ARMH4: variants seen among roughly 807,000 people sequenced by gnomAD.
ARMH4 encodes armadillo-like helical domain-containing protein 4.
Under a neutral mutation model 61.9 loss-of-function variants are expected in ARMH4, and 49 were observed. The ratio of observed to expected loss-of-function variants is 0.79; its 90% CI spans 0.63 to 1.00. The LOEUF (loss-of-function observed/expected upper bound fraction) is 1.00. ARMH4 is among the 50% of genes least tolerant of loss of function. The pLI is 0.00. For synonymous variants in ARMH4, 368 were observed against 341.5 expected (o/e 1.08, Z -0.85); for missense variants, 934 against 930.0 (o/e 1.00, Z -0.06).
At chr14:58,051,583 A>C (rs913573609) in intron 5 of ARMH4, among the ~76,000 whole-genome samples, 4 of 152,248 alleles carry the variant, frequency 2.6e-5, no homozygotes, top group Non-Finnish European at 4.4e-5. Context: ...GAACCTTTAC[A>C]GGGTAGAGAC....
At chr14:58,119,332 C>T (rs1386966771) in intron 4 of ARMH4, among the ~76,000 whole-genome samples, 8 of 152,306 alleles carry the variant, frequency 5.3e-5, no homozygotes, top group African/African-American at 1.9e-4. Context: ...TTATTCTATA[C>T]ATATTTAAGG....
chr14:58,020,330 G>A (rs975235668), intron 5 of ARMH4, among the ~76,000 whole-genome samples: 3 of 152,302 alleles, frequency 2.0e-5, no homozygotes, highest in Non-Finnish European at 2.9e-5. Context: ...GGGAGGCAGC[G>A]TGTATTAGCT....
chr14:58,116,705 T>C (rs565214075), intron 4 of ARMH4, among the ~76,000 whole-genome samples: 107 of 152,322 alleles, frequency 7.0e-4, no homozygotes, highest in African/African-American at 2.4e-3. Flanking sequence ...AATAATTTTC[T>C]TATTTCATTT....
At chr14:58,054,743 C>T (rs1049828950) in intron 5 of ARMH4, among the ~76,000 whole-genome samples, 1 of 151,558 alleles carries the variant, frequency 6.6e-6, no homozygotes, top group African/African-American at 2.4e-5. Flanking sequence ...ACTAAACATA[C>T]AAAAAATAGC....
intron 5 of ARMH4, among the ~76,000 whole-genome samples, chr14:58,041,248 C>T (rs1158889873): frequency 6.6e-6 from 1 of 152,144 alleles, no homozygotes; most frequent in African/African-American, 2.4e-5. Flanking sequence ...CCTGGAAAAT[C>T]GAGTCACTCC....
intron 6 of ARMH4, among the ~76,000 whole-genome samples, chr14:58,011,298 T>G (rs1031247577): frequency 3.9e-5 from 6 of 152,136 alleles, no homozygotes; most frequent in African/African-American, 1.2e-4. Flanking sequence ...AGCAAAATAA[T>G]ATTAATAATT....
At chr14:58,119,777 C>T (rs1403131366) in intron 4 of ARMH4, among the ~76,000 whole-genome samples, 1 of 152,148 alleles carries the variant, frequency 6.6e-6, no homozygotes, top group Non-Finnish European at 1.5e-5. Flanking sequence ...AGCAGCCGCT[C>T]CAGTTGTTAA....
At position 58,004,671 on chromosome 14, in the gene ARMH4, T is replaced by C. The variant is rs1594681589; in HGVS notation, c.*65A>G. 3.0e-6 allele frequency: 4 copies of C among 1,340,472 alleles called. No homozygotes were observed. The highest frequency in any genetic ancestry group is 2.3e-5 in the East Asian group (1 of 43,168). The allele number at this position is 1,340,472 out of a possible 1,614,324, so 83.0% of individuals were successfully genotyped here. A position where few individuals can be genotyped will look rare whatever the true frequency, so the allele number is the denominator to read the frequency against. ...TGTGGCAGGTTGTTCTTTTTTTTTT[T>C]CTGCTCCAAAATAAAAATTAGAATA... On this transcript the variant is annotated 3_prime_UTR_variant, in exon 8 of 8. Transcript: ENST00000267485.
chr14:58,095,031 G>C (rs945838153), intron 5 of ARMH4, among the ~76,000 whole-genome samples: 31 of 152,144 alleles, frequency 2.0e-4, no homozygotes, highest in African/African-American at 7.0e-4. Context: ...CAGCCCAAAT[G>C]ATCATTTTAG....
chr14:58,119,846 G>A lies in ARMH4; in HGVS notation c.1831+11666C>T, dbSNP rs778808603. 5.9e-5 allele frequency among the ~76,000 whole-genome samples: 9 copies of A among 152,020 alleles called. No individual in the cohort carries two copies. The South Asian group carries it at 1.2e-3, about 21-fold the overall frequency. Reference sequence around the variant, plus strand: ...TGAGCTATGACTTGGTTGATTGCACGGCTATAAAACAATTTATTGCTAGTG... The same window carrying A: ...TGAGCTATGACTTGGTTGATTGCACAGCTATAAAACAATTTATTGCTAGTG... On this transcript the variant is annotated intron_variant, in intron 4 of 7. Coordinates refer to ENST00000267485, the MANE Select transcript of ARMH4 (RefSeq NM_001001872.4).
chr14:58,041,034 A>C (rs1214004298), intron 5 of ARMH4, among the ~76,000 whole-genome samples: 22 of 152,212 alleles, frequency 1.4e-4, no homozygotes, highest in Admixed American at 1.4e-3. Flanking sequence ...TCCCAGCGTG[A>C]GCGACGCAGA....
intron 5 of ARMH4, among the ~76,000 whole-genome samples, chr14:58,088,645 G>A (rs1174235120): frequency 6.6e-6 from 1 of 152,176 alleles, no homozygotes; most frequent in Non-Finnish European, 1.5e-5. Context: ...ACTGAGAGAA[G>A]CCCACTCATC....
intron 4 of ARMH4, among the ~76,000 whole-genome samples, chr14:58,116,914 G>A (rs201853394): frequency 6.6e-6 from 1 of 152,104 alleles, no homozygotes; most frequent in East Asian, 1.9e-4. Flanking sequence ...TACACTGGTA[G>A]AGCCCTGTAG....
chr14:58,067,786 T>C (rs1884751923), intron 5 of ARMH4, among the ~76,000 whole-genome samples: 1 of 152,232 alleles, frequency 6.6e-6, no homozygotes, highest in Non-Finnish European at 1.5e-5. Flanking sequence ...CCTTACTCCT[T>C]TTAGCCAACC....
chr14:58,078,186 T>G (rs924003898), intron 5 of ARMH4, among the ~76,000 whole-genome samples: 10 of 152,228 alleles, frequency 6.6e-5, no homozygotes, highest in African/African-American at 2.2e-4. Flanking sequence ...CAAAAGCTTA[T>G]GAGCTCCTCT....
Position 58,096,613 on chromosome 14 carries a change from C to G in ARMH4, c.2089+111G>C. The stretch of plus-strand genomic sequence containing the variant: ...CATAAATGTAGAAACCACCCATAAA[C>G]AAAGAAAATCCATTTTTCTTTACAA... On this transcript the variant is annotated intron_variant, in intron 5 of 7. Transcript: ENST00000267485. 4.7e-6 allele frequency: 6 copies of G among 1,280,748 alleles called. No homozygotes were observed. In the South Asian group the frequency reaches 9.3e-5, roughly 20 times the overall value. 79.3% of individuals were successfully genotyped at this position (1,280,748 alleles called of 1,614,324 possible).
chr14:58,127,529 G>C (rs577399162), intron 4 of ARMH4, among the ~76,000 whole-genome samples: 2 of 152,190 alleles, frequency 1.3e-5, no homozygotes, highest in East Asian at 3.9e-4. Context: ...CCAGTCTCAG[G>C]TATGTCTTTA....
chr14:58,017,698 T>A (rs1182845588), intron 5 of ARMH4, among the ~76,000 whole-genome samples: 1 of 152,154 alleles, frequency 6.6e-6, no homozygotes, highest in African/African-American at 2.4e-5. Flanking sequence ...AATGTCCATA[T>A]AATCAAAAAC....
intron 2 of ARMH4, among the ~76,000 whole-genome samples, chr14:58,137,232 T>C (rs1221801565): frequency 6.6e-6 from 1 of 152,196 alleles, no homozygotes; most frequent in Non-Finnish European, 1.5e-5. Context: ...CTGTCCTACG[T>C]AGTCTAAGAT....
Sources: gnomAD v4.1 joint callset for allele counts (sites outside exome capture counted in the v4.1 genomes callset) on GRCh38, gnomAD v4.1.1 for gene constraint, MANE v1.5 for transcripts, NCBI Gene and HGNC (gene_info 2026-07-23, HGNC 2026-07-21) for gene names.